The following PRKN variants were observed in gnomAD, a reference collection of about 807,000 sequenced individuals.
PRKN encodes parkin RBR E3 ubiquitin protein ligase.
Under a neutral mutation model 59.5 loss-of-function variants are expected in PRKN, and 56 were observed. The ratio of observed to expected loss-of-function variants is 0.94; its 90% CI spans 0.76 to 1.18. The LOEUF (loss-of-function observed/expected upper bound fraction) is 1.18. Among genes scored for constraint, PRKN ranks in the 50% most tolerant of loss-of-function variants. The probability of loss-of-function intolerance (pLI) is 0.00; values close to 1 mark genes in which losing one functional copy is unlikely to be tolerated. For synonymous variants in PRKN, 250 were observed against 222.1 expected (o/e 1.13, Z -1.12); for missense variants, 657 against 596.4 (o/e 1.10, Z -1.06).
chr6:162,201,501 C>A (rs770124446), intron 3 of PRKN, among the ~76,000 whole-genome samples: 1 of 152,142 alleles, frequency 6.6e-6, no homozygotes. Context: ...AAGTAAGCAG[C>A]CTACTGCCAA....
At chr6:162,458,255 C>CAAAAA (rs34337589) in intron 1 of PRKN, among the ~76,000 whole-genome samples, 1 of 65,572 alleles carries the variant, frequency 1.5e-5, no homozygotes. Flanking sequence ...GACTCTATCT[C>CAAAAA]AAAAAAAAAA....
intron 2 of PRKN, among the ~76,000 whole-genome samples, chr6:162,412,883 A>G (rs1445042364): frequency 1.3e-5 from 2 of 152,194 alleles, no homozygotes; most frequent in African/African-American, 4.8e-5. Context: ...CAGGACTGAA[A>G]AAAAGAGCCA....
chr6:162,486,196 A>G (rs1392766370), intron 1 of PRKN, among the ~76,000 whole-genome samples: 1 of 152,192 alleles, frequency 6.6e-6, no homozygotes. Flanking sequence ...AGGCTCTTAA[A>G]GCTGCATTAC....
chr6:162,361,510 G>A (rs565648160), intron 2 of PRKN, among the ~76,000 whole-genome samples: 25 of 152,104 alleles, frequency 1.6e-4, no homozygotes, highest in Non-Finnish European at 2.8e-4. Flanking sequence ...GATCTTGAAC[G>A]TTCCAGCCTC....
chr6:162,076,588 C>T (rs527478621), intron 4 of PRKN, among the ~76,000 whole-genome samples: 1 of 152,210 alleles, frequency 6.6e-6, no homozygotes, highest in African/African-American at 2.4e-5. Flanking sequence ...AAGAGGAAGT[C>T]TTAATTTTAG....
chr6:162,575,723 A>C (rs1780529856), intron 1 of PRKN, among the ~76,000 whole-genome samples: 1 of 152,188 alleles, frequency 6.6e-6, no homozygotes, highest in Non-Finnish European at 1.5e-5. Context: ...GGCCAGGGCT[A>C]CATCCCAGTC....
intron 7 of PRKN, among the ~76,000 whole-genome samples, chr6:161,767,878 G>A (rs1336842393): frequency 6.6e-6 from 1 of 152,130 alleles, no homozygotes; most frequent in Non-Finnish European, 1.5e-5. Context: ...GGATAACATG[G>A]ATACTGTGGT....
At chr6:161,676,300 A>G (rs1040338314) in intron 7 of PRKN, among the ~76,000 whole-genome samples, 2 of 152,230 alleles carry the variant, frequency 1.3e-5, no homozygotes, top group Admixed American at 6.5e-5. Context: ...ATTAATTTGC[A>G]TAATCTGATC....
chr6:162,451,175 G>C (rs1033267272), intron 1 of PRKN, among the ~76,000 whole-genome samples: 5 of 151,998 alleles, frequency 3.3e-5, no homozygotes, highest in Admixed American at 2.6e-4. Context: ...ACAGAATTCA[G>C]TGTCTCCAGT....
intron 6 of PRKN, among the ~76,000 whole-genome samples, chr6:161,807,108 T>G (rs3016545): frequency 0.98 from 149,763 of 152,320 alleles, 73,657 homozygotes; most frequent in Admixed American, 0.99. Context: ...ACAATTTTGT[T>G]AGGTTTATGT....
At chr6:162,593,881 G>A (rs534987105) in intron 1 of PRKN, among the ~76,000 whole-genome samples, 18 of 152,258 alleles carry the variant, frequency 1.2e-4, no homozygotes, top group South Asian at 2.1e-4. Context: ...GGCCAGGCAC[G>A]GTGGCTCACG....
intron 2 of PRKN, among the ~76,000 whole-genome samples, chr6:162,382,625 C>G (rs1462537886): frequency 6.6e-6 from 1 of 152,152 alleles, no homozygotes; most frequent in Non-Finnish European, 1.5e-5. Context: ...TTGATGACTG[C>G]TGACTGACTA....
intron 2 of PRKN, among the ~76,000 whole-genome samples, chr6:162,437,196 G>C (rs1789817821): frequency 2.0e-5 from 3 of 152,124 alleles, no homozygotes; most frequent in Non-Finnish European, 4.4e-5. Flanking sequence ...GTCTTTAAAT[G>C]TGTCTGCTAA....
At chr6:161,449,002 A>C (rs899559116) in intron 9 of PRKN, among the ~76,000 whole-genome samples, 1 of 152,178 alleles carries the variant, frequency 6.6e-6, no homozygotes, top group African/African-American at 2.4e-5. Flanking sequence ...AAGGGGACAA[A>C]AGGTGGATGG....
At chr6:162,449,139 A>G (rs574547690) in intron 1 of PRKN, among the ~76,000 whole-genome samples, 1 of 152,216 alleles carries the variant, frequency 6.6e-6, no homozygotes, top group South Asian at 2.1e-4. Flanking sequence ...AATTCGCCTC[A>G]GCCTCCCTAA....
intron 5 of PRKN, among the ~76,000 whole-genome samples, chr6:161,993,028 T>C (rs1222401344): frequency 6.6e-6 from 1 of 151,784 alleles, no homozygotes; most frequent in Admixed American, 6.6e-5. Context: ...ATTAACAACC[T>C]AACAATGTAC....
chr6:162,395,109 CT>C (rs1787410656), intron 2 of PRKN, among the ~76,000 whole-genome samples: 1 of 152,146 alleles, frequency 6.6e-6, no homozygotes, highest in Non-Finnish European at 1.5e-5. Flanking sequence ...AAGAGATATC[CT>C]GGCTGAGGGC....
In PRKN at chr6:162,454,389, C is replaced by G. The variant is rs150157466; in HGVS notation, c.8-10916G>C. Among the ~76,000 whole-genome samples, 284 of 152,274 alleles carry G rather than the reference C, an allele frequency of 1.9e-3. 1 individual carries two copies. Among genetic ancestry groups the G allele is most frequent in the African/African-American group, 6.3e-3 (263 of 41,554 alleles). On this transcript the variant is annotated intron_variant, in intron 1 of 11. Transcript: ENST00000366898. ...AGTGATATCTTCTGTTTAAATAGAG[C>G]TCTCAATTTTCAAAGTGCTTTTACA...
intron 2 of PRKN, among the ~76,000 whole-genome samples, chr6:162,386,924 C>T (rs1469167907): frequency 2.6e-5 from 4 of 152,130 alleles, no homozygotes; most frequent in Non-Finnish European, 5.9e-5. Context: ...GGTAACATTG[C>T]ATTCAATTAT....
Sources: gnomAD v4.1 joint callset for allele counts (sites outside exome capture counted in the v4.1 genomes callset) on GRCh38, gnomAD v4.1.1 for gene constraint, MANE v1.5 for transcripts, NCBI Gene and HGNC (gene_info 2026-07-23, HGNC 2026-07-21) for gene names.